The following COL23A1 variants were observed in gnomAD, a reference collection of about 807,000 sequenced individuals.
COL23A1 encodes the protein collagen alpha-1(XXIII) chain.
In COL23A1, 97 loss-of-function variants were observed where a neutral mutation model predicts 99.3. The ratio of observed to expected loss-of-function variants is 0.98; its 90% confidence interval spans 0.83 to 1.16. The LOEUF (loss-of-function observed/expected upper bound fraction) is 1.16, where lower values mean the gene tolerates loss of function less well. Ranked by LOEUF, COL23A1 falls within the 50% of genes most tolerant of loss-of-function variation. The probability of loss-of-function intolerance (pLI) is 0.00; values close to 1 mark genes in which losing one functional copy is unlikely to be tolerated. For missense variants in COL23A1, 762 were observed against 757.4 expected (o/e 1.01, Z -0.07); for synonymous variants, 320 against 308.2 (o/e 1.04, Z -0.40).
chr5:178,295,186 A>G (rs761417408), intron 3 of COL23A1, among the ~76,000 whole-genome samples: 1 of 152,200 alleles, frequency 6.6e-6, no homozygotes, highest in Non-Finnish European at 1.5e-5. Context: ...CTCTGGCTCA[A>G]AAACAAAGCC....
chr5:178,242,378 C>T lies in COL23A1; in HGVS notation c.1457G>A (p.Arg486Gln), dbSNP rs372246433. Reference sequence around the variant, plus strand: ...CTCGCTCCGATCACCTTTCTCTCCTCGGGGTCCAGGGAAACCCTGACAAAA... The same window carrying T: ...CTCGCTCCGATCACCTTTCTCTCCTTGGGGTCCAGGGAAACCCTGACAAAA... ...EPGLDGFPGPRGEKGDRSERG... is the reference protein window; with the variant it reads ...EPGLDGFPGPQGEKGDRSERG... Residue 486 changes from arginine (R) to glutamine (Q), a missense_variant, in exon 26 of 29, where the codon CGA becomes CAA. Physicochemically the swap from Arg to Gln is conservative, Grantham distance 43. Transcript: ENST00000390654. 26 of 1,613,976 alleles carry T rather than the reference C, an allele frequency of 1.6e-5. No homozygotes were observed. The highest frequency in any genetic ancestry group is 1.2e-4 in the Admixed American group (7 of 60,006).
At chr5:178,319,919 G>A (rs1015214660) in intron 2 of COL23A1, among the ~76,000 whole-genome samples, 5 of 152,030 alleles carry the variant, frequency 3.3e-5, no homozygotes, top group African/African-American at 1.2e-4. Context: ...CCCTGCACCC[G>A]GCCGCATGCC....
At chr5:178,335,711 CA>C (rs1372707389) in intron 2 of COL23A1, among the ~76,000 whole-genome samples, 1 of 152,140 alleles carries the variant, frequency 6.6e-6, no homozygotes, top group Admixed American at 6.5e-5. Context: ...ATGGACAATT[CA>C]AGGAGGAAGA....
intron 2 of COL23A1, among the ~76,000 whole-genome samples, chr5:178,382,743 G>A (rs1463309489): frequency 6.6e-6 from 1 of 152,256 alleles, no homozygotes; most frequent in Admixed American, 6.5e-5. Flanking sequence ...GGACTCGGGG[G>A]CACTGAAGAG....
intron 2 of COL23A1, among the ~76,000 whole-genome samples, chr5:178,427,197 A>AAAT (rs745426602): frequency 6.6e-6 from 1 of 152,172 alleles, no homozygotes; most frequent in Non-Finnish European, 1.5e-5. Flanking sequence ...GTGTCTCAAA[A>AAAT]AATAATAATA....
At chr5:178,442,595 G>A (rs10062293) in intron 2 of COL23A1, among the ~76,000 whole-genome samples, 8 of 152,246 alleles carry the variant, frequency 5.3e-5, no homozygotes, top group East Asian at 1.9e-4. Flanking sequence ...AACCCAGGGC[G>A]CCAAAGGGGC....
At position 178,242,090 on chromosome 5, in the gene COL23A1, G is replaced by C. The variant is rs1469018647; in HGVS notation, c.1533C>G (p.Gly511=). The part of the protein sequence containing the change: ...RGVPGRKGVK[G]QKGEPGPPGL... ...CTGGTGGTCCCGGCTCGCCCTTCTG[G>C]CCCTTCACTCCTTTCCGGCCGGGGA... Residue 511 remains glycine, a synonymous_variant, in exon 27 of 29, where the codon GGC becomes GGG. Coordinates refer to ENST00000390654, the MANE Select transcript of COL23A1 (RefSeq NM_173465.4). The C allele has an allele frequency of 1.3e-6, 2 of 1,553,886 alleles. No homozygotes were observed. The highest frequency in any genetic ancestry group is 1.7e-6 in the Non-Finnish European group (2 of 1,148,442).
intron 2 of COL23A1, among the ~76,000 whole-genome samples, chr5:178,369,566 G>A (rs1762688555): frequency 6.6e-6 from 1 of 152,172 alleles, no homozygotes; most frequent in Non-Finnish European, 1.5e-5. Flanking sequence ...GACCCAGTGG[G>A]AGGTAATTGA....
At chr5:178,487,493 G>T (rs185407994) in intron 2 of COL23A1, among the ~76,000 whole-genome samples, 4 of 151,894 alleles carry the variant, frequency 2.6e-5, no homozygotes, top group Non-Finnish European at 5.9e-5. Flanking sequence ...GCTAATTTTT[G>T]TATCAGCCTC....
chr5:178,301,905 C>T (rs1017241442), intron 3 of COL23A1, among the ~76,000 whole-genome samples: 1 of 141,714 alleles, frequency 7.1e-6, no homozygotes, highest in Admixed American at 6.9e-5. Flanking sequence ...GTGTGCGCCG[C>T]AGCACAGCTT....
chr5:178,426,911 G>A (rs547383978), intron 2 of COL23A1, among the ~76,000 whole-genome samples: 46 of 152,292 alleles, frequency 3.0e-4, no homozygotes, highest in Non-Finnish European at 5.4e-4. Flanking sequence ...CCAAAATAAC[G>A]ATGAGGCCAG....
intron 2 of COL23A1, among the ~76,000 whole-genome samples, chr5:178,399,894 C>A (rs943657119): frequency 6.6e-6 from 1 of 152,160 alleles, no homozygotes; most frequent in Admixed American, 6.5e-5. Flanking sequence ...TCATTCCCTT[C>A]GGCTCATCTG....
intron 2 of COL23A1, among the ~76,000 whole-genome samples, chr5:178,359,655 A>G (rs1489379657): frequency 1.3e-5 from 2 of 152,226 alleles, no homozygotes; most frequent in Non-Finnish European, 2.9e-5. Flanking sequence ...AACCCAGTCT[A>G]CATTTCTCTC....
chr5:178,246,263 T>C lies in COL23A1; in HGVS notation c.1404A>G (p.Lys468=). The C allele has an allele frequency of 3.2e-6, 5 of 1,554,058 alleles. No individual in the cohort carries two copies. The highest frequency in any genetic ancestry group is 4.4e-6 in the Non-Finnish European group (5 of 1,147,940). The change falls in exon 24 of 29, where the codon AAA becomes AAG. Residue 468 remains lysine, a synonymous_variant. Coordinates refer to ENST00000390654, the MANE Select transcript of COL23A1 (RefSeq NM_173465.4). ...CGAATGAGGCGGTTACCTTCTCTCC[T>C]TTGGTTCCTGGCAGCCCAATAAGGC... is the stretch of plus-strand genomic sequence containing the variant. ...PPGLIGLPGT[K]GEKGRPGEPG...
intron 2 of COL23A1, among the ~76,000 whole-genome samples, chr5:178,345,475 T>C (rs1406935917): frequency 2.6e-5 from 4 of 152,010 alleles, no homozygotes; most frequent in Non-Finnish European, 4.4e-5. Context: ...TCTCATATTA[T>C]GAATGGGCAA....
chr5:178,513,491 C>T (rs1306443906), intron 2 of COL23A1, among the ~76,000 whole-genome samples: 1 of 152,178 alleles, frequency 6.6e-6, no homozygotes, highest in Non-Finnish European at 1.5e-5. Flanking sequence ...AAGTCCAGTA[C>T]AGGTCTCACC....
chr5:178,557,226 C>T (rs936193118), intron 2 of COL23A1, among the ~76,000 whole-genome samples: 4 of 152,212 alleles, frequency 2.6e-5, no homozygotes, highest in African/African-American at 9.6e-5. Context: ...TGCCTCAAAT[C>T]TCTCCTTGCC....
chr5:178,300,735 A>AT (rs563601112), intron 3 of COL23A1, among the ~76,000 whole-genome samples: 1 of 150,474 alleles, frequency 6.6e-6, no homozygotes, highest in South Asian at 2.1e-4. Context: ...TTATTTATTT[A>AT]TTTTTTTTAG....
chr5:178,557,572 C>A (rs1444720078), intron 2 of COL23A1, among the ~76,000 whole-genome samples: 1 of 152,168 alleles, frequency 6.6e-6, no homozygotes, highest in African/African-American at 2.4e-5. Context: ...CCTCCTCTGG[C>A]CTTCCTTATC....
Sources: gnomAD v4.1 joint callset for allele counts (sites outside exome capture counted in the v4.1 genomes callset) on GRCh38, gnomAD v4.1.1 for gene constraint, MANE v1.5 for transcripts, NCBI Gene and HGNC (gene_info 2026-07-23, HGNC 2026-07-21) for gene names.